The following ARB2A variants were observed in gnomAD, a reference collection of about 807,000 sequenced individuals.
ARB2A encodes cotranscriptional regulator ARB2A.
chr5:93,949,044 C>T, the ARB2A span, among the ~76,000 whole-genome samples: 1 of 152,088 alleles, frequency 6.6e-6, no homozygotes, highest in African/African-American at 2.4e-5. Flanking sequence ...CATGTGTGGC[C>T]TTGGGTTCAT....
At chr5:93,792,044 C>A in the ARB2A span, among the ~76,000 whole-genome samples, 177 of 151,904 alleles carry the variant, frequency 1.2e-3, 1 homozygote, top group African/African-American at 4.0e-3. Flanking sequence ...GAGGGGAAGG[C>A]GACTGTTTGA....
chr5:93,911,010 AC>A, the ARB2A span: 13 of 151,670 alleles, frequency 8.6e-5, no homozygotes, highest in Admixed American at 3.3e-4. Context: ...AGTAATACTG[AC>A]AGCGTTCTCT....
At chr5:93,863,422 T>A in the ARB2A span, 1 of 151,080 alleles carries the variant, frequency 6.6e-6, no homozygotes, top group South Asian at 2.1e-4. Flanking sequence ...CCCAACTAAT[T>A]ATCTATATAT....
the ARB2A span, chr5:93,776,021 G>A: frequency 1.0e-5 from 7 of 688,672 alleles, no homozygotes; most frequent in Admixed American, 2.9e-5. Context: ...TTCTACCCAT[G>A]CATAACATTA....
chr5:93,748,044 AT>A, the ARB2A span, among the ~76,000 whole-genome samples: 1 of 152,156 alleles, frequency 6.6e-6, no homozygotes. Context: ...AGAATTTTAC[AT>A]TTTGCTTACA....
the ARB2A span, among the ~76,000 whole-genome samples, chr5:93,980,931 A>G: frequency 6.6e-6 from 1 of 152,148 alleles, no homozygotes; most frequent in African/African-American, 2.4e-5. Flanking sequence ...TATTTTTAAA[A>G]ATAAGCTTAA....
the ARB2A span, chr5:93,683,244 C>A: frequency 6.8e-7 from 1 of 1,478,862 alleles, no homozygotes; most frequent in Non-Finnish European, 9.4e-7. Flanking sequence ...TCATCAGCAG[C>A]AAGTTTTACT....
At chr5:93,855,732 G>T in the ARB2A span, among the ~76,000 whole-genome samples, 2 of 152,074 alleles carry the variant, frequency 1.3e-5, no homozygotes, top group African/African-American at 2.4e-5. Context: ...TAGTTTGGCT[G>T]GATATTAAAT....
At chr5:93,975,519 T>C in the ARB2A span, among the ~76,000 whole-genome samples, 1 of 151,926 alleles carries the variant, frequency 6.6e-6, no homozygotes, top group South Asian at 2.1e-4. Context: ...TTTGGTTCTT[T>C]GAAAGATAAA....
chr5:94,055,068 A>G, the ARB2A span, among the ~76,000 whole-genome samples: 3 of 152,178 alleles, frequency 2.0e-5, no homozygotes, highest in East Asian at 3.8e-4. Flanking sequence ...AGCATTTAAT[A>G]TCTTTTAGGT....
chr5:93,919,120 A>G, the ARB2A span, among the ~76,000 whole-genome samples: 5 of 152,204 alleles, frequency 3.3e-5, no homozygotes, highest in African/African-American at 1.2e-4. Context: ...GGGAGAAAAC[A>G]AAGTCTGGGG....
the ARB2A span, among the ~76,000 whole-genome samples, chr5:93,876,611 T>A: frequency 6.6e-6 from 1 of 151,988 alleles, no homozygotes. Context: ...GTATACTAGA[T>A]ACTTGCAAAA....
the ARB2A span, among the ~76,000 whole-genome samples, chr5:93,842,463 C>A: frequency 6.6e-6 from 1 of 152,070 alleles, no homozygotes. Context: ...ATTCAAGATC[C>A]GTATCTGAGT....
the ARB2A span, among the ~76,000 whole-genome samples, chr5:93,770,781 A>T: frequency 6.6e-6 from 1 of 152,052 alleles, no homozygotes; most frequent in Non-Finnish European, 1.5e-5. Flanking sequence ...GAACTACAAA[A>T]CACTGCTCAA....
At chr5:93,944,261 T>G in the ARB2A span, among the ~76,000 whole-genome samples, 1 of 152,186 alleles carries the variant, frequency 6.6e-6, no homozygotes, top group East Asian at 1.9e-4. Context: ...AATTATTTAA[T>G]TATCTCTATT....
chr5:94,042,610 AG>A, the ARB2A span, among the ~76,000 whole-genome samples: 2 of 152,150 alleles, frequency 1.3e-5, no homozygotes, highest in African/African-American at 4.8e-5. Context: ...CAGCCACAAA[AG>A]ATCTGCTTTT....
the ARB2A span, among the ~76,000 whole-genome samples, chr5:93,742,723 T>TA: frequency 1.3e-5 from 2 of 152,198 alleles, no homozygotes; most frequent in Admixed American, 1.3e-4. Context: ...AATGGCCTTT[T>TA]AAAAAATCCT....
the ARB2A span, among the ~76,000 whole-genome samples, chr5:93,808,412 A>C: frequency 6.6e-6 from 1 of 151,642 alleles, no homozygotes; most frequent in Non-Finnish European, 1.5e-5. Context: ...AAAAAAAAAA[A>C]AAACCCACAT....
At chr5:93,932,783 A>C in the ARB2A span, among the ~76,000 whole-genome samples, 1 of 152,318 alleles carries the variant, frequency 6.6e-6, no homozygotes, top group Non-Finnish European at 1.5e-5. Flanking sequence ...CCTATATGTA[A>C]GCTGAAGATT....
Sources: allele counts gnomAD v4.1 joint callset (sites outside exome capture counted in the v4.1 genomes callset), GRCh38; gene constraint gnomAD v4.1.1; transcripts MANE v1.5; gene names NCBI Gene and HGNC (gene_info 2026-07-23, HGNC 2026-07-21).